The following IMMT variants were observed in gnomAD, a reference collection of about 807,000 sequenced individuals.
The protein encoded by IMMT is MICOS complex subunit MIC60.
A neutral mutation model predicts 92.7 loss-of-function variants in IMMT; 40 were observed. The observed-to-expected ratio is 0.43, with a 90% CI of 0.34 to 0.56. IMMT has a LOEUF of 0.56. Ranked by LOEUF, IMMT falls within the 20% of genes least tolerant of loss-of-function variation. IMMT has a pLI of 0.03. For missense variants in IMMT, 831 were observed against 912.1 expected, an observed-to-expected ratio of 0.91 and a Z score of 1.14; for synonymous variants, 322 against 336.1, an observed-to-expected ratio of 0.96 and a Z score of 0.46.
At chr2:86,193,852 A>C (rs1359736266) in intron 1 of IMMT, among the ~76,000 whole-genome samples, 1 of 152,220 alleles carries the variant, frequency 6.6e-6, no homozygotes, top group Non-Finnish European at 1.5e-5. Context: ...AGTTTTCTTA[A>C]TTCCCAAATG....
intron 6 of IMMT, among the ~76,000 whole-genome samples, chr2:86,169,099 A>C (rs1676919365): frequency 6.6e-6 from 1 of 152,118 alleles, no homozygotes; most frequent in Admixed American, 6.6e-5. Context: ...TTTGAGGGGG[A>C]ATTAAGAGGT....
intron 1 of IMMT, among the ~76,000 whole-genome samples, chr2:86,182,871 A>T (rs975951589): frequency 2.0e-5 from 3 of 151,862 alleles, no homozygotes; most frequent in African/African-American, 7.2e-5. Context: ...CTTAAAAAAA[A>T]AAACAAAAAC....
At position 86,166,572 on chromosome 2, in the gene IMMT, T is replaced by C. The variant is rs1367141245; in HGVS notation, c.728A>G (p.Asn243Ser). ...TGCATTGACAGCCTGGACCGCAGCA[T>C]TCTGAGCTGCAATAGCCTGCAGAGT... ...SVTLQAIAAQ[N>S]AAVQAVNAHS... Residue 243 changes from asparagine to serine, a missense_variant, in exon 7 of 15, where the codon AAT becomes AGT. By Grantham distance (46) the Asn-to-Ser change is conservative. Transcript: ENST00000410111. 2 of 1,613,296 alleles carry C rather than the reference T, an allele frequency of 1.2e-6. No homozygotes were observed.
At chr2:86,191,747 C>CAAAAAAAAA (rs572412565) in intron 1 of IMMT, among the ~76,000 whole-genome samples, 57 of 116,396 alleles carry the variant, frequency 4.9e-4, no homozygotes, top group East Asian at 1.7e-3. Context: ...ACTAAAAATA[C>CAAAAAAAAA]AAAAAAAAAA....
chr2:86,193,461 T>C (rs1573959904), intron 1 of IMMT, among the ~76,000 whole-genome samples: 1 of 149,868 alleles, frequency 6.7e-6, no homozygotes. Context: ...TCTTGACAAG[T>C]GAGATATTCT....
intron 1 of IMMT, among the ~76,000 whole-genome samples, chr2:86,193,819 T>C (rs1176730203): frequency 1.3e-5 from 2 of 152,234 alleles, no homozygotes; most frequent in African/African-American, 2.4e-5. Context: ...AAAGGGTTCA[T>C]TTTTTATTAC....
chr2:86,193,396 G>T (rs1673296709), intron 1 of IMMT, among the ~76,000 whole-genome samples: 1 of 123,306 alleles, frequency 8.1e-6, no homozygotes, highest in Non-Finnish European at 1.7e-5. Context: ...GACAAAGTGA[G>T]ACTCCGTATC....
At chr2:86,161,481 C>T (rs1676266865) in intron 8 of IMMT, among the ~76,000 whole-genome samples, 1 of 146,246 alleles carries the variant, frequency 6.8e-6, no homozygotes, top group Non-Finnish European at 1.5e-5. Flanking sequence ...TATTTTATTC[C>T]TTCTCTCTTT....
chr2:86,167,263 C>T (rs1177634799), intron 6 of IMMT, among the ~76,000 whole-genome samples: 1 of 146,582 alleles, frequency 6.8e-6, no homozygotes, highest in Non-Finnish European at 1.5e-5. Flanking sequence ...GCTCCGCCTC[C>T]CGGGTTCACG....
At chr2:86,176,487 A>G (rs1050837974) in intron 3 of IMMT, among the ~76,000 whole-genome samples, 8 of 152,190 alleles carry the variant, frequency 5.3e-5, no homozygotes, top group Admixed American at 6.5e-5. Flanking sequence ...GAAGTGATAA[A>G]GGTCAGAATA....
intron 1 of IMMT, among the ~76,000 whole-genome samples, chr2:86,187,118 G>A (rs1388353793): frequency 6.6e-6 from 1 of 151,770 alleles, no homozygotes; most frequent in Non-Finnish European, 1.5e-5. Context: ...GTACATCCAC[G>A]ATGTTGTACA....
intron 14 of IMMT, among the ~76,000 whole-genome samples, chr2:86,145,362 G>A (rs1243366068): frequency 1.3e-5 from 2 of 151,932 alleles, no homozygotes; most frequent in Non-Finnish European, 2.9e-5. Flanking sequence ...AGGCGTGGTG[G>A]CACGCACCTG....
chr2:86,155,077 G>C (rs574005688), intron 10 of IMMT, among the ~76,000 whole-genome samples: 1 of 152,100 alleles, frequency 6.6e-6, no homozygotes, highest in Non-Finnish European at 1.5e-5. Context: ...CGGCCAGGCC[G>C]GTCTTGAACG....
intron 6 of IMMT, among the ~76,000 whole-genome samples, chr2:86,169,842 A>G (rs1270583528): frequency 1.3e-5 from 2 of 151,998 alleles, no homozygotes; most frequent in Non-Finnish European, 2.9e-5. Flanking sequence ...TCTTGAGGCC[A>G]AGAGTCCAAC....
intron 9 of IMMT, among the ~76,000 whole-genome samples, 169 bp from the exon 10 acceptor site, chr2:86,158,890 T>C (rs1676061330): frequency 6.6e-6 from 1 of 152,172 alleles, no homozygotes; most frequent in Non-Finnish European, 1.5e-5. Flanking sequence ...CTAATTCCTA[T>C]TCAAATACCA....
At chr2:86,156,198 C>A (rs1345787977) in intron 10 of IMMT, among the ~76,000 whole-genome samples, 1 of 152,090 alleles carries the variant, frequency 6.6e-6, no homozygotes, top group African/African-American at 2.4e-5. Flanking sequence ...CCAGTAGCTC[C>A]CTACAGTTGC....
Position 86,158,683 on chromosome 2 carries a change from C to G in IMMT, c.1071G>C (p.Gln357His). The G allele has an allele frequency of 6.2e-7, 1 of 1,606,040 alleles. No homozygotes were observed. The highest frequency in any genetic ancestry group is 8.5e-7 in the Non-Finnish European group (1 of 1,175,910). ...GAGCTTGGACCACCAGCTCATGATA[C>G]TGAGATACAACCTTAGCCTCAGACT... ...AAQSEAKVVS[Q>H]YHELVVQARD... is the part of the protein sequence containing the mutation. The change falls in exon 10 of 15, where the codon CAG becomes CAC. Residue 357 changes from glutamine to histidine, a missense_variant. Physicochemically the swap from Gln to His is conservative, Grantham distance 24. Coordinates refer to ENST00000410111, the MANE Select transcript of IMMT (RefSeq NM_006839.3).
At chr2:86,173,505 G>GGGAGGT (rs1461357259) in intron 4 of IMMT, 145 bp downstream of exon 4, 1 of 586,502 alleles carries the variant, frequency 1.7e-6, no homozygotes, top group Non-Finnish European at 3.1e-6. Context: ...GCTTGAACCT[G>GGGAGGT]GGAGGTGGAG....
At chr2:86,166,245 C>T (rs1676663492) in intron 7 of IMMT, among the ~76,000 whole-genome samples, 4 of 152,188 alleles carry the variant, frequency 2.6e-5, no homozygotes, top group East Asian at 1.9e-4. Flanking sequence ...GCAGGAGAAT[C>T]GCTTGAACCT....
Sources: allele counts gnomAD v4.1 joint callset (sites outside exome capture counted in the v4.1 genomes callset), GRCh38; gene constraint gnomAD v4.1.1; transcripts MANE v1.5; gene names NCBI Gene and HGNC (gene_info 2026-07-23, HGNC 2026-07-21).